The following RNF115 variants were observed in gnomAD, a reference collection of about 807,000 sequenced individuals.
The protein encoded by RNF115 is E3 ubiquitin-protein ligase RNF115.
RNF115 carries 31 observed loss-of-function variants against 39.2 expected under a neutral mutation model. That is an observed-to-expected ratio of 0.79 (90% confidence interval 0.59 to 1.07). The LOEUF (loss-of-function observed/expected upper bound fraction) is 1.07. Among genes scored for constraint, RNF115 ranks in the 50% least tolerant of loss-of-function variants. The pLI, the probability that RNF115 is intolerant of heterozygous loss-of-function variation, is 0.00. For missense variants in RNF115, 384 were observed against 381.7 expected, an observed-to-expected ratio of 1.01 and a Z score of -0.05; for synonymous variants, 124 against 131.0, an observed-to-expected ratio of 0.95 and a Z score of 0.37.
chr1:145,792,734 T>C (rs1553719181), intron 1 of RNF115, among the ~76,000 whole-genome samples: 2 of 152,134 alleles, frequency 1.3e-5, no homozygotes, highest in African/African-American at 4.8e-5. Flanking sequence ...GAAAACAGCA[T>C]GCATGGAGGT....
At chr1:145,804,833 G>A (rs1350729463) in intron 1 of RNF115, among the ~76,000 whole-genome samples, 2 of 152,130 alleles carry the variant, frequency 1.3e-5, no homozygotes, top group African/African-American at 4.8e-5. Context: ...AAAAGGGGAA[G>A]TGGAGGGATG....
In RNF115 at chr1:145,809,488, A is replaced by AT. The variant is rs781918386; in HGVS notation, c.102+14283dup. Among the ~76,000 whole-genome samples, 328 of 46,340 alleles carry AT rather than the reference A, an allele frequency of 7.1e-3. 13 individuals carry two copies. The highest frequency in any genetic ancestry group is 0.01 in the South Asian group (9 of 880). The allele number at this position is 46,340 out of a possible 152,430, so 30.4% of individuals were successfully genotyped here. On this transcript the variant is annotated intron_variant, in intron 1 of 8. Coordinates refer to ENST00000582693, the MANE Select transcript of RNF115 (RefSeq NM_014455.4). Reference sequence around the variant, plus strand: ...GCGCCACTGCACCCAGACCCAGCTAATTTTTTTTTTTTTTTTTTTTTGGAG... The same window carrying AT: ...GCGCCACTGCACCCAGACCCAGCTAATTTTTTTTTTTTTTTTTTTTTTGGAG...
chr1:145,761,688 G>A (rs368212347), intron 4 of RNF115, among the ~76,000 whole-genome samples: 47 of 152,348 alleles, frequency 3.1e-4, no homozygotes, highest in African/African-American at 8.4e-4. Flanking sequence ...AGGGCGGTGC[G>A]GAAGGAAAAT....
intron 1 of RNF115, among the ~76,000 whole-genome samples, chr1:145,804,659 G>A (rs1649389689): frequency 6.6e-6 from 1 of 152,070 alleles, no homozygotes; most frequent in African/African-American, 2.4e-5. Flanking sequence ...AAATTATTCT[G>A]AGTGATTTGG....
At chr1:145,755,084 T>A (rs999483044) in intron 4 of RNF115, among the ~76,000 whole-genome samples, 14 of 151,888 alleles carry the variant, frequency 9.2e-5, no homozygotes, top group Middle Eastern at 3.4e-3. Context: ...CTACTAAAAA[T>A]ACAAAAATTA....
At chr1:145,748,893 A>AC (rs1657977172) in intron 7 of RNF115, among the ~76,000 whole-genome samples, 1 of 151,766 alleles carries the variant, frequency 6.6e-6, no homozygotes, top group African/African-American at 2.4e-5. Flanking sequence ...CAAAAAAAAA[A>AC]AAAATTATTA....
chr1:145,780,301 A>G (rs935419681), intron 3 of RNF115, among the ~76,000 whole-genome samples: 1 of 151,866 alleles, frequency 6.6e-6, no homozygotes, highest in Non-Finnish European at 1.5e-5. Flanking sequence ...TCTGAAAGGA[A>G]ATGTATGGAA....
At chr1:145,785,331 G>A (rs1648331670) in intron 2 of RNF115, among the ~76,000 whole-genome samples, 1 of 152,186 alleles carries the variant, frequency 6.6e-6, no homozygotes, top group Admixed American at 6.5e-5. Flanking sequence ...GAGTGTTTAA[G>A]TGTCAGACAT....
intron 4 of RNF115, among the ~76,000 whole-genome samples, chr1:145,768,741 T>A (rs1481001415): frequency 6.6e-6 from 1 of 152,194 alleles, no homozygotes; most frequent in Non-Finnish European, 1.5e-5. Context: ...AAAACTGTTA[T>A]CAGGAAGAAG....
At chr1:145,795,851 C>A (rs1417341269) in intron 1 of RNF115, among the ~76,000 whole-genome samples, 1 of 152,150 alleles carries the variant, frequency 6.6e-6, no homozygotes, top group South Asian at 2.1e-4. Context: ...GCTAATTATT[C>A]TTGATAAAAG....
intron 3 of RNF115, among the ~76,000 whole-genome samples, chr1:145,775,570 A>C (rs1647845537): frequency 6.6e-6 from 1 of 152,100 alleles, no homozygotes; most frequent in African/African-American, 2.4e-5. Context: ...TAATTAAAAA[A>C]AAAAATTCTT....
chr1:145,750,341 T>A, intron 7 of RNF115, 66 bp downstream of exon 7: 1 of 1,293,278 alleles, frequency 7.7e-7, no homozygotes, highest in Middle Eastern at 1.8e-4. Flanking sequence ...TTTTCACCTG[T>A]CAGAAGATAC....
In RNF115 at chr1:145,789,738, C is replaced by T. The variant is rs1297202098; in HGVS notation, c.103-772G>A. On this transcript the variant is annotated intron_variant, in intron 1 of 8. Transcript: ENST00000582693. ...TTTTTTTTTTTTTGAGATGGAGTCT[C>T]GCTCTCTTGCCCAGGAGCTAGAGTG... Among the ~76,000 whole-genome samples, 9 of 112,968 alleles carry T rather than the reference C, an allele frequency of 8.0e-5. No individual in the cohort carries two copies. The Admixed American group carries it at 1.1e-3, about 13-fold the overall frequency. 74.1% of individuals were successfully genotyped at this position (112,968 alleles called of 152,430 possible).
At position 145,740,455 on chromosome 1, in the gene RNF115, T is replaced by G. The variant is rs1657655634; in HGVS notation, c.*6411A>C. 1 of 152,254 alleles carries G rather than the reference T, an allele frequency of 6.6e-6. No individual in the cohort carries two copies. Among genetic ancestry groups the G allele is most frequent in the South Asian group, 2.1e-4 (1 of 4,832 alleles). The allele number at this position is 152,254 out of a possible 1,614,324, so 9.4% of individuals were successfully genotyped here. A position where few individuals can be genotyped will look rare whatever the true frequency, so the allele number is the denominator to read the frequency against. On this transcript the variant is annotated 3_prime_UTR_variant, in exon 9 of 9. Transcript: ENST00000582693. The stretch of plus-strand genomic sequence containing the variant: ...TTATTTACTCTGCTTATCTCGAGAC[T>G]TGGTTAAACAGAAACTTAAAATACT...
At chr1:145,814,608 CA>C (rs1649897661) in intron 1 of RNF115, among the ~76,000 whole-genome samples, 1 of 150,908 alleles carries the variant, frequency 6.6e-6, no homozygotes, top group Non-Finnish European at 1.5e-5. Flanking sequence ...GGCAACTAAA[CA>C]TAAAGAAATA....
At chr1:145,759,795 C>T (rs1254913047) in intron 4 of RNF115, among the ~76,000 whole-genome samples, 2 of 152,166 alleles carry the variant, frequency 1.3e-5, no homozygotes, top group African/African-American at 4.8e-5. Flanking sequence ...ATTCCCACTC[C>T]CATCAACTTC....
At chr1:145,816,668 T>C (rs1480479904) in intron 1 of RNF115, among the ~76,000 whole-genome samples, 2 of 144,964 alleles carry the variant, frequency 1.4e-5, no homozygotes, top group African/African-American at 4.9e-5. Context: ...TGATGTAAAC[T>C]CAATACCCAG....
At chr1:145,802,032 C>T (rs772951583) in intron 1 of RNF115, among the ~76,000 whole-genome samples, 1 of 152,222 alleles carries the variant, frequency 6.6e-6, no homozygotes, top group Non-Finnish European at 1.5e-5. Flanking sequence ...AAGCAATCCT[C>T]TCATGTTAGC....
intron 2 of RNF115, among the ~76,000 whole-genome samples, chr1:145,786,469 C>T (rs1326927270): frequency 6.6e-6 from 1 of 152,280 alleles, no homozygotes; most frequent in East Asian, 1.9e-4. Context: ...ACCACAGAGT[C>T]TTTGTATTTG....
Sources: gnomAD v4.1 joint callset for allele counts (sites outside exome capture counted in the v4.1 genomes callset) on GRCh38, gnomAD v4.1.1 for gene constraint, MANE v1.5 for transcripts, NCBI Gene and HGNC (gene_info 2026-07-23, HGNC 2026-07-21) for gene names.